Variants in STAG1 observed in about 807,000 individuals in gnomAD.
The protein encoded by STAG1 is cohesin subunit SA-1.
In STAG1, 26 loss-of-function variants were observed where a neutral mutation model predicts 170.9. The observed-to-expected ratio is 0.15, with a 90% confidence interval of 0.11 to 0.21. The LOEUF is 0.21. Ranked by LOEUF, STAG1 falls within the 10% of genes least tolerant of loss-of-function variation. The pLI is 1.00. For synonymous variants in STAG1, 514 were observed against 497.7 expected, an observed-to-expected ratio of 1.03 and a Z score of -0.44; for missense variants, 964 against 1,509.5, an observed-to-expected ratio of 0.64 and a Z score of 5.99.
chr3:136,696,089 G>A (rs1378899958), intron 1 of STAG1, among the ~76,000 whole-genome samples: 1 of 152,180 alleles, frequency 6.6e-6, no homozygotes, highest in Non-Finnish European at 1.5e-5. Context: ...GGTTTTATTA[G>A]GAAAGAGAAA....
intron 1 of STAG1, among the ~76,000 whole-genome samples, chr3:136,663,499 C>A (rs1297314137): frequency 6.6e-6 from 1 of 152,078 alleles, no homozygotes; most frequent in African/African-American, 2.4e-5. Context: ...CAGTTAGCAC[C>A]AGAGATAAGG....
chr3:136,448,697 G>A (rs2088853685), intron 14 of STAG1, among the ~76,000 whole-genome samples: 1 of 152,152 alleles, frequency 6.6e-6, no homozygotes, highest in Non-Finnish European at 1.5e-5. Context: ...TCAGCACTTC[G>A]GGAGACTGAG....
chr3:136,523,191 T>TAA (rs1934783309), intron 6 of STAG1, among the ~76,000 whole-genome samples: 1 of 152,194 alleles, frequency 6.6e-6, no homozygotes, highest in South Asian at 2.1e-4. Flanking sequence ...AACAACAGTG[T>TAA]AAAAGTGTTC....
At chr3:136,520,748 G>A (rs941361039) in intron 7 of STAG1, among the ~76,000 whole-genome samples, 11 of 152,038 alleles carry the variant, frequency 7.2e-5, no homozygotes, top group Non-Finnish European at 1.2e-4. Flanking sequence ...AGTTATTATA[G>A]CACTAGGAAT....
At chr3:136,470,800 A>G (rs1441183200) in intron 12 of STAG1, among the ~76,000 whole-genome samples, 3 of 152,232 alleles carry the variant, frequency 2.0e-5, no homozygotes, top group Admixed American at 2.0e-4. Flanking sequence ...AATAGTATGC[A>G]GCCATAAAAA....
intron 1 of STAG1, among the ~76,000 whole-genome samples, chr3:136,683,869 C>T (rs1173688791): frequency 6.6e-6 from 1 of 152,158 alleles, no homozygotes; most frequent in African/African-American, 2.4e-5. Context: ...AAAAGCCAAT[C>T]GCTTTCCTAT....
chr3:136,453,355 G>A (rs572937853), intron 13 of STAG1, among the ~76,000 whole-genome samples: 94 of 152,252 alleles, frequency 6.2e-4, no homozygotes, highest in African/African-American at 2.2e-3. Flanking sequence ...TCTTTGGGAG[G>A]CCGAGGCAGG....
intron 1 of STAG1, among the ~76,000 whole-genome samples, chr3:136,712,695 T>A (rs1400466158): frequency 6.6e-6 from 1 of 152,214 alleles, no homozygotes; most frequent in African/African-American, 2.4e-5. Flanking sequence ...AAAACCACTC[T>A]GGAAAACAAT....
chr3:136,723,083 G>T (rs570777647), intron 1 of STAG1, among the ~76,000 whole-genome samples: 5 of 152,382 alleles, frequency 3.3e-5, no homozygotes, highest in African/African-American at 1.2e-4. Context: ...CTCCCAAAGT[G>T]CCGAGATTGC....
chr3:136,548,269 T>C (rs1368130976), intron 5 of STAG1, among the ~76,000 whole-genome samples: 1 of 151,926 alleles, frequency 6.6e-6, no homozygotes, highest in Non-Finnish European at 1.5e-5. Flanking sequence ...AGCACCACCA[T>C]GCCCGGGCTA....
chr3:136,541,540 A>ACACACACACACACACT (rs747792634), intron 6 of STAG1, among the ~76,000 whole-genome samples: 137 of 101,886 alleles, frequency 1.3e-3, no homozygotes, highest in Middle Eastern at 8.2e-3. Flanking sequence ...CTTAACATTC[A>ACACACACACACACACT]CACACACACA....
intron 6 of STAG1, among the ~76,000 whole-genome samples, chr3:136,539,964 G>T (rs1322482506): frequency 6.6e-6 from 1 of 151,950 alleles, no homozygotes; most frequent in African/African-American, 2.4e-5. Flanking sequence ...AAATTTAAAT[G>T]ATTATTCCTT....
At chr3:136,498,356 C>CT (rs1361021599) in intron 9 of STAG1, among the ~76,000 whole-genome samples, 1 of 148,140 alleles carries the variant, frequency 6.8e-6, no homozygotes, top group Non-Finnish European at 1.5e-5. Context: ...AAAAAAAACT[C>CT]TGACTTTGTT....
At chr3:136,373,574 A>G (rs1937463496) in intron 23 of STAG1, among the ~76,000 whole-genome samples, 1 of 152,116 alleles carries the variant, frequency 6.6e-6, no homozygotes, top group Non-Finnish European at 1.5e-5. Context: ...GTTTCAAAGA[A>G]CATCTTTATT....
intron 7 of STAG1, among the ~76,000 whole-genome samples, chr3:136,505,279 G>A (rs1286022062): frequency 1.3e-5 from 2 of 152,168 alleles, no homozygotes; most frequent in Admixed American, 1.3e-4. Context: ...AGAAGAATAC[G>A]TCCTTCATTT....
intron 13 of STAG1, among the ~76,000 whole-genome samples, chr3:136,463,759 G>A (rs2089347597): frequency 1.2e-5 from 1 of 86,598 alleles, no homozygotes; most frequent in East Asian, 3.5e-4. Flanking sequence ...GTGTGTGTGT[G>A]TGTGTGTGTA....
At chr3:136,477,830 G>T (rs552538653) in intron 9 of STAG1, among the ~76,000 whole-genome samples, 1 of 152,040 alleles carries the variant, frequency 6.6e-6, no homozygotes, top group Non-Finnish European at 1.5e-5. Flanking sequence ...TTGCTCTGTC[G>T]CTCATGCTGG....
At chr3:136,465,295 C>G (rs1368776990) in intron 12 of STAG1, among the ~76,000 whole-genome samples, 3 of 146,972 alleles carry the variant, frequency 2.0e-5, no homozygotes, top group African/African-American at 7.5e-5. Context: ...TCTTGGCTCA[C>G]TGCAACCTCT....
intron 20 of STAG1, among the ~76,000 whole-genome samples, chr3:136,418,501 G>C (rs954249329): frequency 6.8e-6 from 1 of 146,176 alleles, no homozygotes; most frequent in African/African-American, 2.6e-5. Flanking sequence ...AGGAAAGAAA[G>C]AGATGATTCT....
Sources: allele counts gnomAD v4.1 joint callset (sites outside exome capture counted in the v4.1 genomes callset), GRCh38; gene constraint gnomAD v4.1.1; transcripts MANE v1.5; gene names NCBI Gene and HGNC (gene_info 2026-07-23, HGNC 2026-07-21).